Variants in RGL1 observed in about 807,000 individuals in gnomAD.
RGL1 encodes ral guanine nucleotide dissociation stimulator-like 1.
In RGL1, 24 loss-of-function variants were observed where a neutral mutation model predicts 95.2. The observed-to-expected ratio is 0.25, with a 90% confidence interval of 0.18 to 0.35. RGL1 has a LOEUF of 0.35. Among genes scored for constraint, RGL1 ranks in the 10% least tolerant of loss-of-function variants. RGL1 has a pLI of 1.00. For synonymous variants in RGL1, 329 were observed against 344.9 expected (o/e 0.95, Z 0.51); for missense variants, 715 against 936.3 (o/e 0.76, Z 3.08).
At chr1:183,700,287 C>T (rs1458876565) in intron 1 of RGL1, among the ~76,000 whole-genome samples, 1 of 151,988 alleles carries the variant, frequency 6.6e-6, no homozygotes, top group Non-Finnish European at 1.5e-5. Context: ...AGCACTGGAT[C>T]CAGTCTCTGA....
At chr1:183,889,569 A>G (rs924740312) in intron 8 of RGL1, among the ~76,000 whole-genome samples, 6 of 152,178 alleles carry the variant, frequency 3.9e-5, no homozygotes, top group African/African-American at 1.4e-4. Flanking sequence ...TTGAATTTGC[A>G]AGAGCCCCAA....
At chr1:183,897,051 T>C (rs1450916423) in intron 9 of RGL1, among the ~76,000 whole-genome samples, 1 of 152,262 alleles carries the variant, frequency 6.6e-6, no homozygotes, top group African/African-American at 2.4e-5. Context: ...CACAGAATGC[T>C]GGCACATCCA....
At chr1:183,691,560 T>C (rs898810235) in intron 1 of RGL1, among the ~76,000 whole-genome samples, 7 of 152,204 alleles carry the variant, frequency 4.6e-5, no homozygotes, top group African/African-American at 1.7e-4. Context: ...AACAAAAAAG[T>C]TGTTAAGTTT....
chr1:183,707,434 T>C (rs1231363510), intron 1 of RGL1, among the ~76,000 whole-genome samples: 1 of 152,092 alleles, frequency 6.6e-6, no homozygotes, highest in Non-Finnish European at 1.5e-5. Flanking sequence ...ATATCTTTAG[T>C]TCCTGCTACT....
intron 3 of RGL1, among the ~76,000 whole-genome samples, chr1:183,855,735 C>T (rs3010061): frequency 0.17 from 25,106 of 152,080 alleles, 2,377 homozygotes; most frequent in East Asian, 0.28. Flanking sequence ...ACACTGAGAC[C>T]ATAACTCACC....
intron 4 of RGL1, among the ~76,000 whole-genome samples, chr1:183,871,544 A>G (rs969092066): frequency 6.6e-6 from 1 of 152,176 alleles, no homozygotes; most frequent in Non-Finnish European, 1.5e-5. Flanking sequence ...ATGCCCAAAT[A>G]TTGTTTGTTT....
intron 4 of RGL1, among the ~76,000 whole-genome samples, chr1:183,870,666 C>T (rs930780183): frequency 2.6e-5 from 4 of 152,166 alleles, no homozygotes; most frequent in African/African-American, 9.7e-5. Flanking sequence ...AAGTAACTCT[C>T]CTCTACCCCA....
At chr1:183,869,751 T>G (rs1021818636) in intron 4 of RGL1, among the ~76,000 whole-genome samples, 4 of 152,210 alleles carry the variant, frequency 2.6e-5, no homozygotes, top group Non-Finnish European at 4.4e-5. Flanking sequence ...TGTCTTTGTC[T>G]TTGTGAGAGG....
At chr1:183,784,637 C>T (rs148609845) in intron 2 of RGL1, among the ~76,000 whole-genome samples, 11 of 152,280 alleles carry the variant, frequency 7.2e-5, no homozygotes, top group African/African-American at 2.2e-4. Flanking sequence ...GGGAGCAGAG[C>T]GGTCCAGCTG....
At chr1:183,836,831 A>G (rs982599771) in intron 2 of RGL1, among the ~76,000 whole-genome samples, 3 of 152,200 alleles carry the variant, frequency 2.0e-5, no homozygotes, top group African/African-American at 7.2e-5. Flanking sequence ...AAGTCCACAT[A>G]GACTTTAAAT....
intron 2 of RGL1, among the ~76,000 whole-genome samples, chr1:183,774,509 A>T (rs1471266255): frequency 2.6e-5 from 4 of 152,112 alleles, no homozygotes; most frequent in African/African-American, 7.2e-5. Context: ...GTTCTTATGG[A>T]TAAACATAGA....
chr1:183,829,277 GA>G (rs1663092768), intron 2 of RGL1, among the ~76,000 whole-genome samples: 1 of 151,654 alleles, frequency 6.6e-6, no homozygotes, highest in South Asian at 2.1e-4. Context: ...TCGTCTCTAT[GA>G]AAAAAATAAA....
rs979418890 is a variant in RGL1 at position 183,700,707 on chromosome 1, G to A, written c.-32-41419G>A. 3.2e-4 allele frequency among the ~76,000 whole-genome samples: 49 copies of A among 152,020 alleles called. 1 individual carries two copies. Among genetic ancestry groups the A allele is most frequent in the Middle Eastern group, 3.4e-3 (1 of 294 alleles). On this transcript the variant is annotated intron_variant, in intron 1 of 18. Transcript: ENST00000304685. ...ATTACAGGTGCACACCACCACACTT[G>A]GCTAATTTTTGTATTTTTAGAAGAG...
chr1:183,867,815 G>T (rs967014045), intron 4 of RGL1, among the ~76,000 whole-genome samples: 3 of 152,186 alleles, frequency 2.0e-5, no homozygotes, highest in East Asian at 1.9e-4. Context: ...CCAAAAGTCT[G>T]GGGGGAATCC....
At position 183,836,034 on chromosome 1, in the gene RGL1, C is replaced by T. The variant is rs562336002; in HGVS notation, c.139-11532C>T. 2.0e-4 allele frequency among the ~76,000 whole-genome samples: 31 copies of T among 152,242 alleles called. No individual in the cohort carries two copies. In the South Asian group the frequency reaches 6.2e-3, roughly 31 times the overall value. On this transcript the variant is annotated intron_variant, in intron 2 of 17. Coordinates refer to ENST00000360851, the MANE Select transcript of RGL1 (RefSeq NM_001297671.3). ...ATTGGCTGGGTAACTCTGGGTGTGA[C>T]CCCTTACTTCTCCAAACCTCTGTTT...
At chr1:183,685,351 G>C (rs1653511472) in intron 1 of RGL1, among the ~76,000 whole-genome samples, 1 of 152,162 alleles carries the variant, frequency 6.6e-6, no homozygotes, top group Admixed American at 6.5e-5. Context: ...TGGGATCTGG[G>C]AGACTAAGAA....
chr1:183,862,401 A>G (rs190859004), intron 3 of RGL1, among the ~76,000 whole-genome samples: 3 of 152,318 alleles, frequency 2.0e-5, no homozygotes, highest in South Asian at 2.1e-4. Flanking sequence ...TGCAGGGGCA[A>G]ATAATCATCT....
At chr1:183,903,559 T>TGG (rs552626075) in intron 12 of RGL1, among the ~76,000 whole-genome samples, 1 of 151,642 alleles carries the variant, frequency 6.6e-6, no homozygotes, top group African/African-American at 2.4e-5. Flanking sequence ...CTACCTAACA[T>TGG]GGGGGGGGTT....
chr1:183,838,564 G>C (rs2500108), intron 2 of RGL1, among the ~76,000 whole-genome samples: 122,798 of 152,168 alleles, frequency 0.81, 49,654 homozygotes, highest in Middle Eastern at 0.88. Flanking sequence ...AGAGCACATT[G>C]GTTTGTCATA....
Sources: gnomAD v4.1 joint callset for allele counts (sites outside exome capture counted in the v4.1 genomes callset) on GRCh38, gnomAD v4.1.1 for gene constraint, MANE v1.5 for transcripts, NCBI Gene and HGNC (gene_info 2026-07-23, HGNC 2026-07-21) for gene names.